The following CSMD1 variants were observed in gnomAD, a reference collection of about 807,000 sequenced individuals.
CSMD1 encodes the protein CUB and sushi domain-containing protein 1.
Under a neutral mutation model 417.5 loss-of-function variants are expected in CSMD1, and 213 were observed. The observed-to-expected ratio is 0.51, with a 90% CI of 0.46 to 0.57. The LOEUF (loss-of-function observed/expected upper bound fraction) is 0.57, where lower values mean the gene tolerates loss of function less well. Ranked by LOEUF, CSMD1 falls within the 20% of genes least tolerant of loss-of-function variation. CSMD1 has a pLI of 0.00. For missense variants in CSMD1, 6,923 were observed against 4,529.7 expected (o/e 1.53, Z -15.17); for synonymous variants, 2,862 against 1,736.8 (o/e 1.65, Z -16.11).
intron 3 of CSMD1, among the ~76,000 whole-genome samples, chr8:4,045,400 G>C (rs1015826425): frequency 3.3e-5 from 5 of 152,150 alleles, no homozygotes; most frequent in African/African-American, 4.8e-5. Context: ...CTACATTACC[G>C]ATCATCAATG....
At chr8:4,394,917 G>T (rs1169954181) in intron 3 of CSMD1, among the ~76,000 whole-genome samples, 1 of 152,132 alleles carries the variant, frequency 6.6e-6, no homozygotes, top group African/African-American at 2.4e-5. Flanking sequence ...TCTACAGCAG[G>T]TGCACTGAAT....
intron 6 of CSMD1, among the ~76,000 whole-genome samples, chr8:3,743,860 A>G (rs757362608): frequency 1.3e-5 from 2 of 152,100 alleles, no homozygotes; most frequent in Middle Eastern, 3.2e-3. Context: ...AATTTCGTCT[A>G]TGTTATCGTA....
chr8:4,199,144 T>A (rs1176300334), intron 3 of CSMD1, among the ~76,000 whole-genome samples: 1 of 152,174 alleles, frequency 6.6e-6, no homozygotes, highest in Non-Finnish European at 1.5e-5. Flanking sequence ...TGTATGAGAC[T>A]GCAGAACGTA....
intron 10 of CSMD1, among the ~76,000 whole-genome samples, chr8:3,525,017 T>C (rs1314799959): frequency 6.6e-6 from 1 of 152,184 alleles, no homozygotes; most frequent in Admixed American, 6.5e-5. Flanking sequence ...AAGTTGGCAT[T>C]TATTTTCTGC....
intron 3 of CSMD1, among the ~76,000 whole-genome samples, chr8:4,235,057 C>G (rs1454235134): frequency 2.6e-5 from 4 of 152,130 alleles, no homozygotes; most frequent in African/African-American, 9.7e-5. Flanking sequence ...TAAGGGGACG[C>G]ATTCCATCCA....
chr8:4,068,783 A>G (rs1026667998), intron 3 of CSMD1, among the ~76,000 whole-genome samples: 9 of 152,230 alleles, frequency 5.9e-5, no homozygotes, highest in African/African-American at 2.2e-4. Context: ...AGATTAGAAT[A>G]TTACATAATA....
chr8:4,983,240 G>C (rs1303983087), intron 1 of CSMD1, among the ~76,000 whole-genome samples: 1 of 152,168 alleles, frequency 6.6e-6, no homozygotes, highest in Non-Finnish European at 1.5e-5. Flanking sequence ...CACAGTGACT[G>C]GAAGAAATCT....
At chr8:2,971,036 C>G (rs1804412749) in intron 57 of CSMD1, among the ~76,000 whole-genome samples, 2 of 152,158 alleles carry the variant, frequency 1.3e-5, no homozygotes, top group African/African-American at 4.8e-5. Context: ...GTGTAAGTTA[C>G]AGACATGACA....
chr8:3,363,565 T>C (rs371944258), intron 20 of CSMD1, among the ~76,000 whole-genome samples: 5 of 152,152 alleles, frequency 3.3e-5, no homozygotes, highest in South Asian at 2.1e-4. Context: ...TCTCGCTGTA[T>C]TGCCGAGGCT....
intron 53 of CSMD1, among the ~76,000 whole-genome samples, chr8:2,999,606 C>T (rs1807220252): frequency 1.3e-5 from 2 of 152,190 alleles, no homozygotes; most frequent in Non-Finnish European, 2.9e-5. Context: ...GACTCTGCAC[C>T]TCCACCCTCC....
chr8:3,827,682 T>G lies in CSMD1; in HGVS notation c.819-73640A>C, dbSNP rs150804804. ...TTTTTGAAAGTCAGATAAACCCAAT[T>G]TATTGACTTCATTGTGAGTTTTGTC... is the stretch of plus-strand genomic sequence containing the variant. On this transcript the variant is annotated intron_variant, in intron 5 of 69. Transcript: ENST00000635120. Among the ~76,000 whole-genome samples the G allele has an allele frequency of 1.1e-3, 170 of 152,344 alleles. 1 individual carries two copies. The highest frequency in any genetic ancestry group is 4.8e-3 in the South Asian group (23 of 4,826).
chr8:4,265,311 G>C (rs536451103), intron 3 of CSMD1, among the ~76,000 whole-genome samples: 4 of 151,788 alleles, frequency 2.6e-5, no homozygotes, highest in Non-Finnish European at 4.4e-5. Flanking sequence ...AAACATATAC[G>C]TTAGGGAAAA....
chr8:4,422,868 C>A (rs1797328031), intron 2 of CSMD1, among the ~76,000 whole-genome samples: 1 of 151,932 alleles, frequency 6.6e-6, no homozygotes, highest in Non-Finnish European at 1.5e-5. Flanking sequence ...TTAGAAAGGT[C>A]CAATCTTTGA....
At chr8:4,505,071 T>C (rs1438820713) in intron 2 of CSMD1, among the ~76,000 whole-genome samples, 2 of 152,198 alleles carry the variant, frequency 1.3e-5, no homozygotes, top group Non-Finnish European at 2.9e-5. Context: ...TCTTCCACAA[T>C]GGTTGAACTA....
Position 3,627,010 on chromosome 8 carries a change from C to G in CSMD1, c.1010-10213G>C, listed in dbSNP as rs111273933. Among the ~76,000 whole-genome samples the G allele has an allele frequency of 5.6e-3, 856 of 151,946 alleles. 3 individuals are homozygous for G. The highest frequency in any genetic ancestry group is 0.049 in the Middle Eastern group (14 of 288). ...TACGATATATAAAAGGAAATAAGTT[C>G]AAGTATTTCCTCAGGAGTTTAGGCA... On this transcript the variant is annotated intron_variant, in intron 7 of 69. Transcript: ENST00000635120.
chr8:3,745,056 A>C (rs1797001060), intron 6 of CSMD1, among the ~76,000 whole-genome samples: 2 of 152,210 alleles, frequency 1.3e-5, no homozygotes, highest in Admixed American at 1.3e-4. Context: ...AAATAATTCA[A>C]CATGTTAACA....
intron 5 of CSMD1, among the ~76,000 whole-genome samples, chr8:3,789,617 G>C (rs1230892000): frequency 2.7e-5 from 4 of 150,786 alleles, no homozygotes; most frequent in African/African-American, 7.3e-5. Context: ...AATTCTTTTA[G>C]TCTTTAAGTC....
chr8:3,538,733 C>A (rs552391236), intron 10 of CSMD1, among the ~76,000 whole-genome samples: 4 of 152,188 alleles, frequency 2.6e-5, no homozygotes, highest in African/African-American at 9.7e-5. Flanking sequence ...CGTGCACTTG[C>A]GATTCATCAG....
At chr8:3,892,932 A>G (rs950951766) in intron 5 of CSMD1, among the ~76,000 whole-genome samples, 12 of 150,182 alleles carry the variant, frequency 8.0e-5, no homozygotes, top group African/African-American at 2.9e-4. Flanking sequence ...TGTGAAATTA[A>G]CTTGAAGGAA....
Sources: allele counts gnomAD v4.1 joint callset (sites outside exome capture counted in the v4.1 genomes callset), GRCh38; gene constraint gnomAD v4.1.1; transcripts MANE v1.5; gene names NCBI Gene and HGNC (gene_info 2026-07-23, HGNC 2026-07-21).